Variants in CACNA1C observed in about 807,000 individuals in gnomAD.
The protein encoded by CACNA1C is voltage-dependent L-type calcium channel subunit alpha-1C.
CACNA1C carries 30 observed loss-of-function variants against 229.0 expected under a neutral mutation model. That is an observed-to-expected ratio of 0.13 (90% CI 0.10 to 0.18). The LOEUF is 0.18. CACNA1C is among the 10% of genes least tolerant of loss of function. The pLI is 1.00. For missense variants in CACNA1C, 1,658 were observed against 2,845.0 expected (o/e 0.58, Z 9.49); for synonymous variants, 1,114 against 1,132.5 (o/e 0.98, Z 0.33).
At chr12:2,449,527 G>A (rs1322408603) in intron 4 of CACNA1C, among the ~76,000 whole-genome samples, 1 of 152,150 alleles carries the variant, frequency 6.6e-6, no homozygotes, top group Non-Finnish European at 1.5e-5. Context: ...TCTTCCTTCT[G>A]TGTTATCTCT....
At chr12:2,195,278 G>A (rs2097366285) in intron 3 of CACNA1C, among the ~76,000 whole-genome samples, 1 of 152,132 alleles carries the variant, frequency 6.6e-6, no homozygotes, top group Non-Finnish European at 1.5e-5. Flanking sequence ...ACCTCACCAC[G>A]CCCCTCCCTG....
At chr12:2,577,054 C>T (rs1210789099) in intron 13 of CACNA1C, among the ~76,000 whole-genome samples, 1 of 152,266 alleles carries the variant, frequency 6.6e-6, no homozygotes, top group African/African-American at 2.4e-5. Context: ...TGGGCAGCAG[C>T]CTGCCCCCTT....
intron 39 of CACNA1C, among the ~76,000 whole-genome samples, chr12:2,674,925 C>T (rs1317243294): frequency 1.3e-5 from 2 of 152,170 alleles, no homozygotes; most frequent in Non-Finnish European, 2.9e-5. Context: ...GGGTAACAGG[C>T]AAGTCCCTGA....
At chr12:2,042,222 T>G (rs2050233103) in intron 1 of CACNA1C, among the ~76,000 whole-genome samples, 1 of 152,162 alleles carries the variant, frequency 6.6e-6, no homozygotes, top group Non-Finnish European at 1.5e-5. Context: ...TCTTAAAATT[T>G]TACCCTAATA....
At chr12:2,482,798 G>A (rs1005606364) in intron 5 of CACNA1C, among the ~76,000 whole-genome samples, 7 of 152,090 alleles carry the variant, frequency 4.6e-5, no homozygotes, top group African/African-American at 1.4e-4. Context: ...AGTCTTTCCC[G>A]GACACTTCGC....
chr12:2,021,937 ACAGT>A (rs1288519972), intron 1 of CACNA1C, among the ~76,000 whole-genome samples: 1 of 152,228 alleles, frequency 6.6e-6, no homozygotes, highest in Non-Finnish European at 1.5e-5. Context: ...TTCGGGGGAC[ACAGT>A]CAGACTATCG....
At chr12:2,329,458 C>CA (rs2096465136) in intron 3 of CACNA1C, among the ~76,000 whole-genome samples, 1 of 152,154 alleles carries the variant, frequency 6.6e-6, no homozygotes. Flanking sequence ...CACCACCAGC[C>CA]AATGCAGTGA....
chr12:2,599,341 C>T (rs548729862), intron 21 of CACNA1C, among the ~76,000 whole-genome samples: 4 of 152,254 alleles, frequency 2.6e-5, no homozygotes, highest in Admixed American at 6.5e-5. Flanking sequence ...CACAGATGAC[C>T]GTGGCTGTCC....
At chr12:2,068,128 A>T (rs995656453) in intron 1 of CACNA1C, among the ~76,000 whole-genome samples, 3 of 152,196 alleles carry the variant, frequency 2.0e-5, no homozygotes, top group African/African-American at 7.2e-5. Context: ...CCCTGTAATC[A>T]AGAAAAATAT....
intron 29 of CACNA1C, among the ~76,000 whole-genome samples, chr12:2,628,975 G>A (rs535248732): frequency 4.1e-4 from 62 of 152,176 alleles, no homozygotes; most frequent in Admixed American, 1.2e-3. Context: ...GGATAGAGTC[G>A]GTATAAAGAA....
At chr12:2,120,713 G>A (rs1461906581) in intron 3 of CACNA1C, among the ~76,000 whole-genome samples, 6 of 143,220 alleles carry the variant, frequency 4.2e-5, no homozygotes, top group African/African-American at 1.1e-4. Context: ...AGCAAATCCC[G>A]TGACTGCTAC....
intron 5 of CACNA1C, among the ~76,000 whole-genome samples, chr12:2,482,828 C>A (rs562112079): frequency 3.3e-5 from 5 of 152,290 alleles, no homozygotes; most frequent in East Asian, 1.9e-4. Context: ...TAGTTCCATC[C>A]TGTGGTCAGA....
At chr12:1,992,254 T>C (rs1201546862) in intron 1 of CACNA1C, 2 of 160,124 alleles carry the variant, frequency 1.2e-5, no homozygotes, top group African/African-American at 4.8e-5. Context: ...CTCATAAAAA[T>C]TTATTCTCTA....
rs79622047 is a variant in CACNA1C, at chr12:2,575,247, C to T, written c.1896-6343C>T. 0.07 allele frequency among the ~76,000 whole-genome samples: 10,644 copies of T among 152,252 alleles called. 447 individuals are homozygous for T. The highest frequency in any genetic ancestry group is 0.11 in the Middle Eastern group (31 of 294). On this transcript the variant is annotated intron_variant, in intron 13 of 46. Coordinates refer to ENST00000399655, the MANE Select transcript of CACNA1C (RefSeq NM_000719.7). This position sits in a 1 kb window ranked among gnomAD's most constrained non-coding sequence, Gnocchi z 4.0. ...GGTCTTCCCAGCCTGCTAGAATGGA[C>T]GGGAGCAGGGGCAGGTACCAGTAGA...
At chr12:2,023,790 A>G (rs972518919) in intron 1 of CACNA1C, among the ~76,000 whole-genome samples, 8 of 152,224 alleles carry the variant, frequency 5.3e-5, no homozygotes, top group African/African-American at 1.9e-4. Context: ...TAAAAAGGAC[A>G]GATGTAACAT....
chr12:2,359,089 A>G (rs1011975524), intron 3 of CACNA1C, among the ~76,000 whole-genome samples: 3 of 152,166 alleles, frequency 2.0e-5, no homozygotes, highest in Non-Finnish European at 4.4e-5. Flanking sequence ...CTTCCTTAAA[A>G]ATCTTCTCAA....
At position 2,039,630 on chromosome 12, in the gene CACNA1C, C is replaced by A. The variant is rs532100662; in HGVS notation, c.139+68429C>A. 8.6e-4 allele frequency among the ~76,000 whole-genome samples: 131 copies of A among 152,292 alleles called. 1 individual carries two copies. Among genetic ancestry groups the A allele is most frequent in the African/African-American group, 3.0e-3 (126 of 41,552 alleles). Reference sequence around the variant, plus strand: ...TAAACAAATAACTACAGCAATATAACTAGTGCTTTGATAGAGATAGCGGTA... The same window carrying A: ...TAAACAAATAACTACAGCAATATAAATAGTGCTTTGATAGAGATAGCGGTA... On this transcript the variant is annotated intron_variant, in intron 1 of 46. Coordinates refer to the CACNA1C transcript ENST00000682462.
chr12:2,617,562 C>G (rs1439673946), intron 29 of CACNA1C, among the ~76,000 whole-genome samples: 4 of 152,228 alleles, frequency 2.6e-5, no homozygotes, highest in Non-Finnish European at 4.4e-5. Flanking sequence ...GGCAGGGATC[C>G]TGTGGCTTCC....
intron 3 of CACNA1C, among the ~76,000 whole-genome samples, chr12:2,124,925 G>C (rs954336044): frequency 1.3e-5 from 2 of 152,152 alleles, no homozygotes; most frequent in Admixed American, 6.5e-5. Context: ...TGCAACCCAG[G>C]AGACTGTTTA....
Sources: gnomAD v4.1 joint callset for allele counts (sites outside exome capture counted in the v4.1 genomes callset) on GRCh38, gnomAD v4.1.1 for gene constraint, Gnocchi (gnomAD v3.1) non-coding constraint, MANE v1.5 for transcripts, NCBI Gene and HGNC (gene_info 2026-07-23, HGNC 2026-07-21) for gene names.